TMEM108: variants seen among roughly 807,000 people sequenced by gnomAD.
TMEM108 encodes the protein cancer/testis antigen 124.
Under a neutral mutation model 35.1 loss-of-function variants are expected in TMEM108, and 12 were observed. The observed-to-expected ratio is 0.34, with a 90% CI of 0.22 to 0.55. TMEM108 has a LOEUF of 0.55. Among genes scored for constraint, TMEM108 ranks in the 20% least tolerant of loss-of-function variants. The pLI, the probability that TMEM108 is intolerant of heterozygous loss-of-function variation, is 0.89. For missense variants in TMEM108, 680 were observed against 753.3 expected (o/e 0.90, Z 1.14); for synonymous variants, 287 against 308.6 (o/e 0.93, Z 0.73).
chr3:133,333,080 G>A (rs914431989), intron 3 of TMEM108, among the ~76,000 whole-genome samples: 5 of 152,160 alleles, frequency 3.3e-5, no homozygotes, highest in African/African-American at 1.2e-4. Flanking sequence ...AGGTCTCTTT[G>A]TGGGAGCTTG....
intron 3 of TMEM108, among the ~76,000 whole-genome samples, chr3:133,371,898 A>G (rs2072687787): frequency 1.3e-5 from 2 of 152,202 alleles, no homozygotes; most frequent in Non-Finnish European, 1.5e-5. Context: ...CTTCCACTTC[A>G]GACAGGGAAA....
intron 2 of TMEM108, among the ~76,000 whole-genome samples, chr3:133,158,515 A>C (rs1944915444): frequency 6.6e-6 from 1 of 150,692 alleles, no homozygotes; most frequent in African/African-American, 2.4e-5. Context: ...GTTGTGACGT[A>C]GGTCGACTTA....
At chr3:133,243,793 G>A (rs1946346806) in intron 3 of TMEM108, among the ~76,000 whole-genome samples, 2 of 152,228 alleles carry the variant, frequency 1.3e-5, no homozygotes, top group South Asian at 4.2e-4. Context: ...AAAAGTGCTG[G>A]GATTACAGGC....
intron 2 of TMEM108, among the ~76,000 whole-genome samples, chr3:133,066,628 T>A (rs1943611502): frequency 6.6e-6 from 1 of 152,188 alleles, no homozygotes; most frequent in Non-Finnish European, 1.5e-5. Context: ...CCTTCCTTCT[T>A]CTATAGTTTA....
At chr3:133,261,797 T>C (rs538046702) in intron 3 of TMEM108, among the ~76,000 whole-genome samples, 16 of 152,310 alleles carry the variant, frequency 1.1e-4, no homozygotes, top group African/African-American at 3.6e-4. Flanking sequence ...AGGTTTTCTA[T>C]GGTATTTTAG....
rs75651038 is a variant in TMEM108 at position 133,096,587 on chromosome 3, A to G, written c.-47+50567A>G. Among the ~76,000 whole-genome samples, 653 of 152,236 alleles carry G rather than the reference A, an allele frequency of 4.3e-3. 11 individuals carry two copies. Among genetic ancestry groups the G allele is most frequent in the East Asian group, 0.031 (160 of 5,176 alleles). On this transcript the variant is annotated intron_variant, in intron 2 of 5. Transcript: ENST00000321871. Reference sequence around the variant, plus strand: ...TGGCCTCACCTCATCCAAACACACAATGCTGACGCCTCTGCCTCCCCTACC... The same window carrying G: ...TGGCCTCACCTCATCCAAACACACAGTGCTGACGCCTCTGCCTCCCCTACC...
intron 2 of TMEM108, among the ~76,000 whole-genome samples, chr3:133,085,327 ATTTC>A (rs1943867936): frequency 6.6e-6 from 1 of 152,122 alleles, no homozygotes; most frequent in South Asian, 2.1e-4. Flanking sequence ...CTGAAGGATA[ATTTC>A]TTTCTCTGCC....
At chr3:133,087,921 G>A (rs946723756) in intron 2 of TMEM108, among the ~76,000 whole-genome samples, 1 of 152,108 alleles carries the variant, frequency 6.6e-6, no homozygotes, top group Non-Finnish European at 1.5e-5. Flanking sequence ...GTGCCTTTGA[G>A]AGAGCCCACT....
chr3:133,123,151 T>C (rs1944374805), intron 2 of TMEM108, among the ~76,000 whole-genome samples: 1 of 152,252 alleles, frequency 6.6e-6, no homozygotes. Flanking sequence ...TAGACATCTG[T>C]TCACATCAGT....
chr3:133,100,750 A>AT (rs919652021), intron 2 of TMEM108, among the ~76,000 whole-genome samples: 7 of 152,038 alleles, frequency 4.6e-5, no homozygotes, highest in African/African-American at 1.2e-4. Flanking sequence ...CCTGGAAGCA[A>AT]TTTTTTTTGT....
chr3:133,251,726 C>A (rs1946474872), intron 3 of TMEM108, among the ~76,000 whole-genome samples: 1 of 152,142 alleles, frequency 6.6e-6, no homozygotes, highest in Admixed American at 6.6e-5. Flanking sequence ...GTGGTCCTAT[C>A]TAGATGCAAG....
At chr3:133,250,598 G>C (rs994758964) in intron 3 of TMEM108, among the ~76,000 whole-genome samples, 29 of 152,166 alleles carry the variant, frequency 1.9e-4, no homozygotes, top group African/African-American at 7.0e-4. Flanking sequence ...TTGTTCAAGG[G>C]TCAACTCTAT....
At chr3:133,320,996 G>A (rs2071260526) in intron 3 of TMEM108, among the ~76,000 whole-genome samples, 1 of 152,060 alleles carries the variant, frequency 6.6e-6, no homozygotes, top group African/African-American at 2.4e-5. Flanking sequence ...TCTCAAGCCA[G>A]CACTACAAGA....
intron 2 of TMEM108, among the ~76,000 whole-genome samples, chr3:133,143,960 T>C (rs1944676427): frequency 6.6e-6 from 1 of 150,506 alleles, no homozygotes; most frequent in African/African-American, 2.5e-5. Flanking sequence ...TATTTTATTT[T>C]ATTTTATTTT....
intron 3 of TMEM108, among the ~76,000 whole-genome samples, chr3:133,318,920 C>CCAAAAA (rs554573627): frequency 2.2e-5 from 3 of 136,042 alleles, no homozygotes; most frequent in Non-Finnish European, 3.1e-5. Flanking sequence ...GCGAGATAGG[C>CCAAAAA]AAAAAAAAAA....
In TMEM108 at chr3:133,379,742, C is replaced by T; in HGVS notation, c.41-10C>T. 2 of 1,610,828 alleles carry T rather than the reference C, an allele frequency of 1.2e-6. No homozygotes were observed. Among genetic ancestry groups the T allele is most frequent in the Non-Finnish European group, 1.7e-6 (2 of 1,178,112 alleles). ...AGTATTTTACCTCTTCTCTCTGTCT[C>T]CTTTTCAAGGTTTCCTGCTGATCTT... is the stretch of plus-strand genomic sequence containing the variant. On this transcript the variant is annotated splice_polypyrimidine_tract_variant and intron_variant, in intron 3 of 5. Transcript: ENST00000321871.
In TMEM108 at chr3:133,380,046, C is replaced by G; in HGVS notation, c.335C>G (p.Ser112Cys). The G allele has an allele frequency of 6.2e-7, 1 of 1,613,972 alleles. No homozygotes were observed. The highest frequency in any genetic ancestry group is 8.5e-7 in the Non-Finnish European group (1 of 1,179,976). ...GTAACCGCCCCCCATTCTGAAAGCT[C>G]CCTGTCCACAGGGCCCGCTCCAGCA... ...ATVTAPHSESSLSTGPAPAAM... is the reference protein window; with the variant it reads ...ATVTAPHSESCLSTGPAPAAM... Residue 112 changes from serine to cysteine, a missense_variant, in exon 4 of 6, where the codon TCC (serine) becomes TGC (cysteine). By Grantham distance (112) the Ser-to-Cys change is moderately radical (BLOSUM62 -1). This residue lies in a region of TMEM108 where 526 missense variants were observed against 532.1 expected (regional missense o/e 0.99). Coordinates refer to ENST00000321871, the MANE Select transcript of TMEM108 (RefSeq NM_023943.4). The surrounding 1 kb of genome is among the most constrained non-coding windows in gnomAD (Gnocchi z 5.3).
rs192003716 is a variant in TMEM108, at chr3:133,211,677, C to T, written c.-46-17589C>T. 3.2e-3 allele frequency among the ~76,000 whole-genome samples: 487 copies of T among 152,254 alleles called. 3 individuals carry two copies. Among genetic ancestry groups the T allele is most frequent in the African/African-American group, 0.011 (470 of 41,550 alleles). On this transcript the variant is annotated intron_variant, in intron 2 of 5. Coordinates refer to ENST00000321871, the MANE Select transcript of TMEM108 (RefSeq NM_023943.4). ...TGTCATTCTAATAAGCCTCAAACTC[C>T]TGGTACTATTTTTACCCCATTGCTG...
At chr3:133,209,623 G>A (rs543822731) in intron 2 of TMEM108, among the ~76,000 whole-genome samples, 63 of 152,180 alleles carry the variant, frequency 4.1e-4, no homozygotes, top group Middle Eastern at 3.4e-3. Flanking sequence ...TTCCTGCCCC[G>A]CTTCTCTGTG....
Sources: allele counts gnomAD v4.1 joint callset (sites outside exome capture counted in the v4.1 genomes callset), GRCh38; gene constraint gnomAD v4.1.1; regional missense constraint gnomAD v4.1.1; non-coding constraint Gnocchi (gnomAD v3.1); transcripts MANE v1.5; gene names NCBI Gene and HGNC (gene_info 2026-07-23, HGNC 2026-07-21).